BCORL1: variants seen among roughly 807,000 people sequenced by gnomAD.
BCORL1 encodes BCL-6 corepressor-like protein 1.
Under a neutral mutation model 87.6 loss-of-function variants are expected in BCORL1, and 7 were observed. The ratio of observed to expected loss-of-function variants is 0.08; its 90% CI spans 0.05 to 0.15. The LOEUF is 0.15. BCORL1 is among the 10% of genes least tolerant of loss of function. The pLI, the probability that BCORL1 is intolerant of heterozygous loss-of-function variation, is 1.00. For synonymous variants in BCORL1, 591 were observed against 634.4 expected (o/e 0.93, Z 1.03); for missense variants, 1,215 against 1,499.7 (o/e 0.81, Z 3.13).
At chrX:130,026,018 A>AG (rs921820993) in intron 7 of BCORL1, among the ~76,000 whole-genome samples, 1 of 111,672 alleles carries the variant, frequency 9.0e-6, no homozygotes, top group African/African-American at 3.3e-5. Flanking sequence ...GACCACATCA[A>AG]ATGCTGTGAT....
Position 130,015,092 on chromosome X carries a change from G to T in BCORL1, c.2320G>T (p.Gly774Cys), listed in dbSNP as rs2124449854. ...GTGTGGCAAAAAGGGCAGCCAGGCT[G>T]GTGCTGAGGGACAGCCAAGCACAGT... is the stretch of plus-strand genomic sequence containing the variant. ...ATCGKKGSQA[G>C]AEGQPSTVKR... The change falls in exon 4 of 14, where the codon GGT becomes TGT. Residue 774 changes from glycine to cysteine, a missense_variant. Around this residue, in one of 5 missense-constraint regions of BCORL1, gnomAD observed 861 missense variants for 1,010.0 expected, o/e 0.85. Coordinates refer to ENST00000540052, the MANE Select transcript of BCORL1 (RefSeq NM_001379451.1). 2.5e-6 allele frequency: 3 copies of T among 1,212,300 alleles called. No individual in the cohort carries two copies.
In BCORL1 at chrX:130,050,755, C is replaced by T; in HGVS notation, c.4879C>T (p.Pro1627Ser). The T allele has an allele frequency of 8.3e-7, 1 of 1,211,128 alleles. No homozygotes were observed. Among genetic ancestry groups the T allele is most frequent in the Non-Finnish European group, 1.1e-6 (1 of 895,057 alleles). Residue 1627 changes from proline to serine, a missense_variant, in exon 12 of 14, where the codon CCC becomes TCC. Physicochemically the swap from Pro to Ser is moderately conservative, Grantham distance 74. This residue lies in a region of BCORL1 where 129 missense variants were observed against 157.5 expected (regional missense o/e 0.82). Coordinates refer to ENST00000540052, the MANE Select transcript of BCORL1 (RefSeq NM_001379451.1). ...SDLQGRAEGDPGVSWDFYSSS... is the reference protein window; with the variant it reads ...SDLQGRAEGDSGVSWDFYSSS... Reference sequence around the variant, plus strand: ...TCTTCAGGGCCGGGCAGAGGGTGATCCCGGTGTATCCTGGGATTTTTACAG... The same window carrying T: ...TCTTCAGGGCCGGGCAGAGGGTGATTCCGGTGTATCCTGGGATTTTTACAG...
intron 8 of BCORL1, among the ~76,000 whole-genome samples, chrX:130,033,229 G>A (rs1248323705): frequency 2.7e-5 from 3 of 110,343 alleles, no homozygotes; most frequent in African/African-American, 9.9e-5. Context: ...CTATAGGCGT[G>A]TACCACCACG....
At position 130,025,162 on chromosome X, in the gene BCORL1, G is replaced by A; in HGVS notation, c.3861G>A (p.Leu1287=). 1 of 1,212,200 alleles carries A rather than the reference G, an allele frequency of 8.2e-7. No homozygotes were observed. Among genetic ancestry groups the A allele is most frequent in the Non-Finnish European group, 1.1e-6 (1 of 895,624 alleles). ...GCCACCATGCCCAGGACAAGTCTCT[G>A]CTGAGCCAGGGCCGAAGGCACCTGT... The part of the protein sequence containing the change: ...YRSHHAQDKS[L]LSQGRRHLWR... The change falls in exon 7 of 14, where the codon CTG becomes CTA. Residue 1287 remains leucine, a synonymous_variant. Transcript: ENST00000540052.
At position 130,025,386 on chromosome X, in the gene BCORL1, C is replaced by T; in HGVS notation, c.4078+7C>T. The T allele has an allele frequency of 8.8e-7, 1 of 1,140,370 alleles. No homozygotes were observed. Among genetic ancestry groups the T allele is most frequent in the Non-Finnish European group, 1.2e-6 (1 of 861,769 alleles). 94.0% of individuals were successfully genotyped at this position (1,140,370 alleles called of 1,213,427 possible). A position where few individuals can be genotyped will look rare whatever the true frequency, so the allele number is the denominator to read the frequency against. On this transcript the variant is annotated splice_region_variant and intron_variant, in intron 7 of 13. Coordinates refer to ENST00000540052, the MANE Select transcript of BCORL1 (RefSeq NM_001379451.1). ...CGGCGGAAAGGGAGAGCAGGTAAGG[C>T]TGGCCAGGGGCTCTGCTGTCGCCGC...
At chrX:130,055,334 A>G (rs1932308415) in intron 13 of BCORL1, among the ~76,000 whole-genome samples, 1 of 112,681 alleles carries the variant, frequency 8.9e-6, no homozygotes, top group Non-Finnish European at 1.9e-5. Context: ...TGCCTTTTGG[A>G]TTACCCGCAG....
In BCORL1 at chrX:130,025,296, G is replaced by A. The variant is rs1005100760; in HGVS notation, c.3995G>A (p.Arg1332Gln). ...EEEGLLKRKK[R>Q]RRQKSRKYQT... ...GAGGGCCTGCTGAAGAGGAAGAAAC[G>A]AAGACGGCAGAAGAGCCGAAAATAT... Residue 1332 changes from arginine to glutamine, a missense_variant, in exon 7 of 14, where the codon CGA becomes CAA. Arg to Gln is a conservative substitution (Grantham distance 43, BLOSUM62 1). This residue lies in a region of BCORL1 where 166 missense variants were observed against 196.5 expected (regional missense o/e 0.84). Coordinates refer to ENST00000540052, the MANE Select transcript of BCORL1 (RefSeq NM_001379451.1). The A allele has an allele frequency of 5.9e-6, 7 of 1,195,776 alleles. No homozygotes were observed. Among genetic ancestry groups the A allele is most frequent in the South Asian group, 1.8e-5 (1 of 54,255 alleles).
At chrX:130,021,219 A>G (rs1024561049) in intron 5 of BCORL1, 69 bp downstream of exon 5, 8 of 1,133,155 alleles carry the variant, frequency 7.1e-6, no homozygotes, top group Middle Eastern at 6.2e-4. Context: ...TGGTGAGGGC[A>G]GAGGGGCTCA....
chrX:130,031,398 C>T (rs1439995300), intron 8 of BCORL1, among the ~76,000 whole-genome samples: 1 of 112,600 alleles, frequency 8.9e-6, no homozygotes, highest in Non-Finnish European at 1.9e-5. Flanking sequence ...TTCTCTACTG[C>T]TCCTTTCCTG....
chrX:129,980,901 G>C (rs1432949521), upstream of BCORL1, among the ~76,000 whole-genome samples: 1 of 109,714 alleles, frequency 9.1e-6, no homozygotes, highest in Non-Finnish European at 1.9e-5. Flanking sequence ...CAGGGAGAGG[G>C]CGAGGGGAGG....
At chrX:130,054,600 T>G (rs1332279504) in intron 13 of BCORL1, among the ~76,000 whole-genome samples, 3 of 109,515 alleles carry the variant, frequency 2.7e-5, no homozygotes, top group Non-Finnish European at 5.7e-5. Flanking sequence ...GCTGAAGAGG[T>G]TAGAAGGTCT....
At chrX:130,017,521 C>T (rs750898487) in intron 4 of BCORL1, among the ~76,000 whole-genome samples, 1 of 111,363 alleles carries the variant, frequency 9.0e-6, no homozygotes, top group South Asian at 3.8e-4. Context: ...AACAGAGGCT[C>T]AGAGAGGATA....
At chrX:130,008,352 C>T (rs1273788204) in intron 2 of BCORL1, among the ~76,000 whole-genome samples, 1 of 110,109 alleles carries the variant, frequency 9.1e-6, no homozygotes, top group African/African-American at 3.3e-5. Context: ...CAACCTCCGC[C>T]TCCCGGGTTC....
chrX:130,039,326 C>T (rs1245933755), intron 11 of BCORL1, 44 bp downstream of exon 11: 8 of 1,191,287 alleles, frequency 6.7e-6, no homozygotes, highest in East Asian at 3.0e-5. Flanking sequence ...TGGGGCCAGC[C>T]TCTGATTCCT....
In BCORL1 at chrX:130,015,481, A is replaced by G; in HGVS notation, c.2709A>G (p.Thr903=). The change falls in exon 4 of 14, where the codon ACA becomes ACG. Residue 903 remains threonine (T), a synonymous_variant. Transcript: ENST00000540052. ...TCGTTCCAGAGCAGGACCCTGTTAC[A>G]AAGAACAAAACTTGCCGGATTGCTG... ...GSFVPEQDPV[T]KNKTCRIAAK... 8.2e-7 allele frequency: 1 copy of G among 1,212,184 alleles called. No individual in the cohort carries two copies. The highest frequency in any genetic ancestry group is 1.1e-6 in the Non-Finnish European group (1 of 895,574).
chrX:130,013,818 C>T lies in BCORL1; in HGVS notation c.1046C>T (p.Ala349Val). ...ATGCCAGCATCCACGCCTCCAGCGGCCCCTGCCCCTCCGTCTGTGCCCATG... is the reference window on the plus strand; with the variant it reads ...ATGCCAGCATCCACGCCTCCAGCGGTCCCTGCCCCTCCGTCTGTGCCCATG... Reference protein sequence around the residue: ...APMPASTPPAAPAPPSVPMPT... With the variant: ...APMPASTPPAVPAPPSVPMPT... Residue 349 changes from alanine (A) to valine (V), a missense_variant, in exon 4 of 14, where the codon GCC becomes GTC. Physicochemically the swap from Ala to Val is moderately conservative, Grantham distance 64. Coordinates refer to ENST00000540052, the MANE Select transcript of BCORL1 (RefSeq NM_001379451.1). The T allele has an allele frequency of 1.7e-6, 2 of 1,168,922 alleles. No homozygotes were observed. The highest frequency in any genetic ancestry group is 1.1e-6 in the Non-Finnish European group (1 of 874,508).
Position 130,025,148 on chromosome X carries a change from C to G in BCORL1, c.3847C>G (p.Gln1283Glu). ...CACCCAGTATCGCAGCCACCATGCC[C>G]AGGACAAGTCTCTGCTGAGCCAGGG... ...RDTQYRSHHAQDKSLLSQGRR... is the reference protein window; with the variant it reads ...RDTQYRSHHAEDKSLLSQGRR... Residue 1283 changes from glutamine (Q) to glutamate (E), a missense_variant, in exon 7 of 14, where the codon CAG (glutamine) becomes GAG (glutamate). By Grantham distance (29) the Gln-to-Glu change is conservative. Around this residue, in one of 5 missense-constraint regions of BCORL1, gnomAD observed 166 missense variants for 196.5 expected, o/e 0.84. Coordinates refer to ENST00000540052, the MANE Select transcript of BCORL1 (RefSeq NM_001379451.1). 3 of 1,212,011 alleles carry G rather than the reference C, an allele frequency of 2.5e-6. No individual in the cohort carries two copies.
At chrX:130,001,325 G>C (rs966427200) in intron 1 of BCORL1, among the ~76,000 whole-genome samples, 1 of 112,312 alleles carries the variant, frequency 8.9e-6, no homozygotes, top group African/African-American at 3.2e-5. Flanking sequence ...CTGACCTCAG[G>C]TGATCTGCCC....
Position 130,015,585 on chromosome X carries a change from A to G in BCORL1, c.2813A>G (p.Gln938Arg). ...ACTGGGACCCTGGCACTGTCTGTTCAGCCTAGCGGTGGGGACATTCGAATG... is the reference window on the plus strand; with the variant it reads ...ACTGGGACCCTGGCACTGTCTGTTCGGCCTAGCGGTGGGGACATTCGAATG... Reference protein sequence around the residue: ...PQTGTLALSVQPSGGDIRMNQ... With the variant: ...PQTGTLALSVRPSGGDIRMNQ... The change falls in exon 4 of 14, where the codon CAG becomes CGG. Residue 938 changes from glutamine to arginine, a missense_variant. Physicochemically the swap from Gln to Arg is conservative, Grantham distance 43. Around this residue, in one of 5 missense-constraint regions of BCORL1, gnomAD observed 861 missense variants for 1,010.0 expected, o/e 0.85. Transcript: ENST00000540052. 8.3e-7 allele frequency: 1 copy of G among 1,212,111 alleles called. No individual in the cohort carries two copies. Among genetic ancestry groups the G allele is most frequent in the Middle Eastern group, 2.3e-4 (1 of 4,354 alleles).
Sources: allele counts gnomAD v4.1 joint callset (sites outside exome capture counted in the v4.1 genomes callset), GRCh38; gene constraint gnomAD v4.1.1; regional missense constraint gnomAD v4.1.1; transcripts MANE v1.5; gene names NCBI Gene and HGNC (gene_info 2026-07-23, HGNC 2026-07-21).